Variants in ARHGAP28 observed in about 807,000 individuals in gnomAD.
The protein encoded by ARHGAP28 is Rho GTPase activating protein 28.
A neutral mutation model predicts 90.7 loss-of-function variants in ARHGAP28; 56 were observed. The ratio of observed to expected loss-of-function variants is 0.62; its 90% confidence interval spans 0.50 to 0.77. The LOEUF is 0.77. ARHGAP28 is among the 30% of genes least tolerant of loss of function. The pLI is 0.00. For synonymous variants in ARHGAP28, 308 were observed against 323.3 expected (o/e 0.95, Z 0.51); for missense variants, 869 against 900.9 (o/e 0.96, Z 0.45).
chr18:6,898,543 T>C, intron 16 of ARHGAP28: 1 of 1,613,984 alleles, frequency 6.2e-7, no homozygotes, highest in Non-Finnish European at 8.5e-7. Flanking sequence ...CATGTATTCC[T>C]CTTCACTATT....
At chr18:6,885,334 T>C (rs1334770313) in intron 11 of ARHGAP28, among the ~76,000 whole-genome samples, 1 of 152,178 alleles carries the variant, frequency 6.6e-6, no homozygotes, top group Non-Finnish European at 1.5e-5. Flanking sequence ...TAAGCTCTAG[T>C]TGTAACAAGA....
At chr18:6,850,446 A>T (rs1264622277) in intron 3 of ARHGAP28, among the ~76,000 whole-genome samples, 1 of 152,240 alleles carries the variant, frequency 6.6e-6, no homozygotes, top group African/African-American at 2.4e-5. Context: ...ACAAAACAAG[A>T]GGCTTAAGGA....
chr18:6,837,283 C>T lies in ARHGAP28; in HGVS notation c.412C>T (p.Leu138Phe). Reference sequence around the variant, plus strand: ...TGAAGAGGAAGATGGCAAAGCCTTGCTCTCCACATTGACTCGAACCCAAGC... The same window carrying T: ...TGAAGAGGAAGATGGCAAAGCCTTGTTCTCCACATTGACTCGAACCCAAGC... ...GDEEEDGKALLSTLTRTQAAA... is the reference protein window; with the variant it reads ...GDEEEDGKALFSTLTRTQAAA... Residue 138 changes from leucine (L) to phenylalanine (F), a missense_variant, in exon 3 of 18, where the codon CTC (leucine) becomes TTC (phenylalanine). Transcript: ENST00000383472. 6.2e-7 allele frequency: 1 copy of T among 1,610,664 alleles called. No homozygotes were observed. The highest frequency in any genetic ancestry group is 8.5e-7 in the Non-Finnish European group (1 of 1,178,594).
chr18:6,735,493 A>T (rs562815397), intron 1 of ARHGAP28, among the ~76,000 whole-genome samples: 5 of 151,074 alleles, frequency 3.3e-5, no homozygotes, highest in African/African-American at 9.7e-5. Context: ...TTGGTGATTT[A>T]TAGGAAGTCC....
intron 7 of ARHGAP28, among the ~76,000 whole-genome samples, chr18:6,872,077 G>A (rs926417317): frequency 2.0e-5 from 3 of 152,136 alleles, no homozygotes; most frequent in African/African-American, 4.8e-5. Flanking sequence ...TGTGGTGGTC[G>A]AGGGAAAAGA....
intron 3 of ARHGAP28, among the ~76,000 whole-genome samples, chr18:6,841,157 TTCTCTCTCTCCTC>T (rs1174126247): frequency 0.01 from 716 of 70,248 alleles, 19 homozygotes; most frequent in African/African-American, 0.02. Flanking sequence ...TCTCTCCTCT[TTCTCTCTCTCCTC>T]TCTCTCTCTC....
At chr18:6,786,778 G>A (rs1049508315) in intron 1 of ARHGAP28, among the ~76,000 whole-genome samples, 2 of 151,004 alleles carry the variant, frequency 1.3e-5, no homozygotes, top group Non-Finnish European at 2.9e-5. Context: ...TAATTATAAA[G>A]CTATTTGCTG....
chr18:6,838,063 T>C (rs1038101407), intron 3 of ARHGAP28, among the ~76,000 whole-genome samples: 15 of 152,240 alleles, frequency 9.9e-5, no homozygotes, highest in Admixed American at 7.2e-4. Flanking sequence ...CTCTGTCTTA[T>C]AGCTTACTTG....
intron 1 of ARHGAP28, among the ~76,000 whole-genome samples, chr18:6,765,260 A>C (rs2056191283): frequency 6.6e-6 from 1 of 152,338 alleles, no homozygotes; most frequent in East Asian, 1.9e-4. Flanking sequence ...TAGTGAAGCC[A>C]TCTGGGCTTG....
intron 1 of ARHGAP28, among the ~76,000 whole-genome samples, chr18:6,734,613 A>G (rs1325656203): frequency 6.6e-6 from 1 of 152,210 alleles, no homozygotes; most frequent in Non-Finnish European, 1.5e-5. Flanking sequence ...ATATTGAGGA[A>G]AAACTAAATT....
Position 6,890,535 on chromosome 18 carries a change from G to A in ARHGAP28, c.1840G>A (p.Glu614Lys), listed in dbSNP as rs747306958. 13 of 1,607,390 alleles carry A rather than the reference G, an allele frequency of 8.1e-6. No homozygotes were observed. Among genetic ancestry groups the A allele is most frequent in the East Asian group, 6.7e-5 (3 of 44,808 alleles). ...VRKLLRRKTL[E>K]RETASPKTSK... ...GAAGCTGCTCAGGAGGAAGACCCTC[G>A]AGCGGGAGGTAAGACAGCAAATGAG... Residue 614 changes from glutamate (E) to lysine (K), a missense_variant, in exon 14 of 18, where the codon GAG becomes AAG. Transcript: ENST00000383472.
rs1195180007 is a variant in ARHGAP28 at position 6,837,339 on chromosome 18, T to C, written c.468T>C (p.Tyr156=). ...AAAVQKRYHT[Y]TQTMRKKDKQ... The stretch of plus-strand genomic sequence containing the variant: ...CCGTGCAAAAGAGATACCATACCTA[T>C]ACCCAAACCATGAGGAAAAAGGATA... Residue 156 remains tyrosine, a synonymous_variant, in exon 3 of 18, where the codon TAT becomes TAC. Coordinates refer to ENST00000383472, the MANE Select transcript of ARHGAP28 (RefSeq NM_001366230.1). 1 of 1,613,748 alleles carries C rather than the reference T, an allele frequency of 6.2e-7. No homozygotes were observed. The highest frequency in any genetic ancestry group is 1.3e-5 in the African/African-American group (1 of 74,830).
intron 1 of ARHGAP28, among the ~76,000 whole-genome samples, chr18:6,810,661 G>T (rs1366743849): frequency 6.6e-6 from 1 of 152,124 alleles, no homozygotes; most frequent in Non-Finnish European, 1.5e-5. Flanking sequence ...GACTGGAAAT[G>T]TATCATCGTA....
rs73380773 is a variant in ARHGAP28 at position 6,760,106 on chromosome 18, G to A, written c.122+30163G>A. ...ATCCTAACTATGCCTGCCTATGTAA[G>A]TTCAAACACACACACACACACAAAC... is the stretch of plus-strand genomic sequence containing the variant. On this transcript the variant is annotated intron_variant, in intron 1 of 17. Coordinates refer to ENST00000383472, the MANE Select transcript of ARHGAP28 (RefSeq NM_001366230.1). Among the ~76,000 whole-genome samples, 239 of 152,206 alleles carry A rather than the reference G, an allele frequency of 1.6e-3. 1 individual carries two copies. The highest frequency in any genetic ancestry group is 5.4e-3 in the African/African-American group (225 of 41,526).
chr18:6,898,914 G>T (rs2057323487), intron 16 of ARHGAP28, among the ~76,000 whole-genome samples: 1 of 151,426 alleles, frequency 6.6e-6, no homozygotes, highest in Admixed American at 6.6e-5. Flanking sequence ...AGGGATAAAA[G>T]ACTATAAATT....
At chr18:6,745,512 T>C (rs536774633) in intron 1 of ARHGAP28, among the ~76,000 whole-genome samples, 2 of 152,340 alleles carry the variant, frequency 1.3e-5, no homozygotes, top group African/African-American at 4.8e-5. Flanking sequence ...ATACTTCCTC[T>C]ACAGTAAAGT....
At chr18:6,904,118 A>G (rs1396299484) in intron 16 of ARHGAP28, among the ~76,000 whole-genome samples, 1 of 152,094 alleles carries the variant, frequency 6.6e-6, no homozygotes, top group Non-Finnish European at 1.5e-5. Context: ...TGATGGCTGG[A>G]CACAGTGGCT....
Position 6,856,050 on chromosome 18 carries a change from G to T in ARHGAP28, c.637-3758G>T, listed in dbSNP as rs552702476. 3.3e-5 allele frequency among the ~76,000 whole-genome samples: 5 copies of T among 152,372 alleles called. No individual in the cohort carries two copies. In the East Asian group the frequency reaches 5.8e-4, roughly 18 times the overall value. ...GGGCCAAGTGGGCGGAATGAACCCAGTGGGCGGAATGAACCCAGTGGGCCC... is the reference window on the plus strand; with the variant it reads ...GGGCCAAGTGGGCGGAATGAACCCATTGGGCGGAATGAACCCAGTGGGCCC... On this transcript the variant is annotated intron_variant, in intron 4 of 17. Coordinates refer to ENST00000383472, the MANE Select transcript of ARHGAP28 (RefSeq NM_001366230.1).
intron 1 of ARHGAP28, among the ~76,000 whole-genome samples, chr18:6,753,539 C>T (rs2143274551): frequency 6.6e-6 from 1 of 152,242 alleles, no homozygotes; most frequent in Non-Finnish European, 1.5e-5. Context: ...TAAATGCAGA[C>T]CACACTTTGA....
Sources: allele counts gnomAD v4.1 joint callset (sites outside exome capture counted in the v4.1 genomes callset), GRCh38; gene constraint gnomAD v4.1.1; transcripts MANE v1.5; gene names NCBI Gene and HGNC (gene_info 2026-07-23, HGNC 2026-07-21).